The following HOPX variants were observed in gnomAD, a reference collection of about 807,000 sequenced individuals.
HOPX encodes the protein HOP homeobox, also known as homeodomain-only protein.
A neutral mutation model predicts 11.8 loss-of-function variants in HOPX; 5 were observed. The ratio of observed to expected loss-of-function variants is 0.43; its 90% CI spans 0.22 to 0.89. HOPX has a LOEUF of 0.89. Among genes scored for constraint, HOPX ranks in the 40% least tolerant of loss-of-function variants. The pLI is 0.28. For synonymous variants in HOPX, 49 were observed against 49.7 expected (o/e 0.99, Z 0.06); for missense variants, 119 against 120.0 (o/e 0.99, Z 0.04).
intron 1 of HOPX, among the ~76,000 whole-genome samples, chr4:56,661,531 G>A (rs1487809868): frequency 6.6e-6 from 1 of 152,134 alleles, no homozygotes; most frequent in Non-Finnish European, 1.5e-5. Flanking sequence ...ACGTCAACTT[G>A]TATTTTAAAG....
Position 56,648,760 on chromosome 4 carries a change from G to A in HOPX, c.236C>T (p.Ser79Leu), listed in dbSNP as rs765977660. Reference sequence around the variant, plus strand: ...TCTGCACTCTGAGGGCAGGCCTTCTGAGCGCCGCCACTTTGCCAGGCGCTG... The same window carrying A: ...TCTGCACTCTGAGGGCAGGCCTTCTAAGCGCCGCCACTTTGCCAGGCGCTG... ...FKQRLAKWRR[S>L]EGLPSECRSV... The change falls in exon 4 of 4, where the codon TCA becomes TTA. Residue 79 changes from serine (S) to leucine (L), a missense_variant. Ser to Leu is a moderately radical substitution (Grantham distance 145). Transcript: ENST00000420433. The A allele has an allele frequency of 1.9e-6, 3 of 1,611,000 alleles. No individual in the cohort carries two copies. The African/African-American group carries it at 4.0e-5, about 22-fold the overall frequency.
At chr4:56,654,937 G>A (rs1326170415) in intron 3 of HOPX, among the ~76,000 whole-genome samples, 2 of 152,164 alleles carry the variant, frequency 1.3e-5, no homozygotes. Context: ...CATGCAAAAG[G>A]ATTGTCTTTC....
chr4:56,668,619 C>A (rs1444450034), intron 1 of HOPX, among the ~76,000 whole-genome samples: 1 of 152,116 alleles, frequency 6.6e-6, no homozygotes, highest in African/African-American at 2.4e-5. Flanking sequence ...TGGCCTCAAG[C>A]GATCCTTCCA....
rs976095527 is a variant in HOPX, at chr4:56,678,083, C to T, written c.-84+3172G>A. On this transcript the variant is annotated intron_variant, in intron 1 of 3. Coordinates refer to ENST00000420433, the MANE Select transcript of HOPX (RefSeq NM_032495.6). ...GAGTAATTCTTCTAGTTTGCTGCCCCGCAGCATGTCTGGGTTCCAAGGATT... is the reference window on the plus strand; with the variant it reads ...GAGTAATTCTTCTAGTTTGCTGCCCTGCAGCATGTCTGGGTTCCAAGGATT... Among the ~76,000 whole-genome samples the T allele has an allele frequency of 5.9e-5, 9 of 151,652 alleles. 1 individual carries two copies. Among genetic ancestry groups the T allele is most frequent in the African/African-American group, 9.8e-5 (4 of 40,916 alleles).
At chr4:56,681,414 G>T (rs1432545257), upstream of HOPX, 9 of 985,794 alleles carry the variant, frequency 9.1e-6, no homozygotes, top group Non-Finnish European at 1.1e-5. Context: ...AACCTGCAGC[G>T]TGGGCAGGAG....
intron 3 of HOPX, among the ~76,000 whole-genome samples, chr4:56,655,485 C>T (rs1717602339): frequency 6.6e-6 from 1 of 152,174 alleles, no homozygotes; most frequent in Non-Finnish European, 1.5e-5. Flanking sequence ...CCAGAGGGGA[C>T]CGAGCCGGGA....
chr4:56,652,488 T>C (rs1717297114), intron 3 of HOPX, among the ~76,000 whole-genome samples: 1 of 152,004 alleles, frequency 6.6e-6, no homozygotes, highest in South Asian at 2.1e-4. Flanking sequence ...CCCTTTCCCA[T>C]GGAAAGGAGC....
chr4:56,664,993 G>A (rs1718353770), intron 1 of HOPX: 1 of 152,232 alleles, frequency 6.6e-6, no homozygotes, highest in Admixed American at 6.5e-5. Context: ...GTCTTGCTCT[G>A]TCACCCAGGC....
chr4:56,664,358 AT>A (rs1483922704), intron 1 of HOPX: 1 of 150,738 alleles, frequency 6.6e-6, no homozygotes, highest in Non-Finnish European at 1.5e-5. Context: ...CTGGTCTCAA[AT>A]TCCTAGCCTC....
chr4:56,650,735 A>G (rs1211619103), intron 3 of HOPX: 1 of 1,551,616 alleles, frequency 6.4e-7, no homozygotes, highest in South Asian at 1.2e-5. Flanking sequence ...AGCACGGCAG[A>G]CTATCATGGG....
chr4:56,671,603 T>C (rs1372187518), intron 1 of HOPX, among the ~76,000 whole-genome samples: 1 of 152,106 alleles, frequency 6.6e-6, no homozygotes, highest in Non-Finnish European at 1.5e-5. Flanking sequence ...CTGATTTTTT[T>C]CCCCAGTTGA....
intron 1 of HOPX, chr4:56,678,825 C>G (rs1463759765): frequency 6.6e-6 from 1 of 152,062 alleles, no homozygotes; most frequent in Non-Finnish European, 1.5e-5. Context: ...AGGGACCCTC[C>G]CAGTTCTATA....
chr4:56,659,637 TG>T (rs1388075228), intron 1 of HOPX: 6 of 152,214 alleles, frequency 3.9e-5, no homozygotes, highest in African/African-American at 1.4e-4. Context: ...CAAGCCTGGA[TG>T]GGCTTCAGAA....
intron 3 of HOPX, among the ~76,000 whole-genome samples, chr4:56,651,887 T>A (rs1717226676): frequency 6.7e-6 from 1 of 149,972 alleles, no homozygotes; most frequent in African/African-American, 2.5e-5. Context: ...TGTGTGTGTG[T>A]GTGTGTGTGT....
chr4:56,648,898 G>A, intron 3 of HOPX, 101 bp from the exon 4 acceptor site: 1 of 850,876 alleles, frequency 1.2e-6, no homozygotes, highest in Non-Finnish European at 1.9e-6. Flanking sequence ...GTGGAAAGGA[G>A]AGAATCAAGG....
intron 3 of HOPX, chr4:56,650,632 G>A: frequency 6.5e-7 from 1 of 1,542,788 alleles, no homozygotes. Flanking sequence ...CACCTGTACA[G>A]CAGAGTTTAC....
At chr4:56,670,222 A>C (rs1383623140) in intron 1 of HOPX, among the ~76,000 whole-genome samples, 4 of 152,226 alleles carry the variant, frequency 2.6e-5, no homozygotes, top group African/African-American at 9.6e-5. Context: ...TCCATGGGGC[A>C]CAGCCACGCA....
At chr4:56,670,264 G>A (rs1431699136) in intron 1 of HOPX, among the ~76,000 whole-genome samples, 1 of 152,170 alleles carries the variant, frequency 6.6e-6, no homozygotes, top group Non-Finnish European at 1.5e-5. Context: ...TAATAGAGAA[G>A]GGGTCAGATT....
chr4:56,653,403 T>C (rs145985915), intron 3 of HOPX, among the ~76,000 whole-genome samples: 133 of 152,186 alleles, frequency 8.7e-4, no homozygotes, highest in African/African-American at 2.5e-3. Context: ...ATATAAATGT[T>C]GTTTGAGAAG....
Sources: gnomAD v4.1 joint callset for allele counts (sites outside exome capture counted in the v4.1 genomes callset) on GRCh38, gnomAD v4.1.1 for gene constraint, MANE v1.5 for transcripts, NCBI Gene and HGNC (gene_info 2026-07-23, HGNC 2026-07-21) for gene names.